ARHGAP32: variants seen among roughly 807,000 people sequenced by gnomAD.
ARHGAP32 encodes Rho GTPase activating protein 32.
A neutral mutation model predicts 186.5 loss-of-function variants in ARHGAP32; 51 were observed. The ratio of observed to expected loss-of-function variants is 0.27; its 90% confidence interval spans 0.22 to 0.35. ARHGAP32 has a LOEUF of 0.35. Ranked by LOEUF, ARHGAP32 falls within the 10% of genes least tolerant of loss-of-function variation. The probability of loss-of-function intolerance (pLI) is 1.00; values close to 1 mark genes in which losing one functional copy is unlikely to be tolerated. For synonymous variants in ARHGAP32, 950 were observed against 964.3 expected (o/e 0.99, Z 0.27); for missense variants, 2,186 against 2,623.5 (o/e 0.83, Z 3.64).
intron 18 of ARHGAP32, among the ~76,000 whole-genome samples, chr11:128,979,208 C>T (rs1377304021): frequency 6.6e-6 from 1 of 151,904 alleles, no homozygotes; most frequent in Non-Finnish European, 1.5e-5. Flanking sequence ...GAAAATAAGA[C>T]GTATCTGGGA....
intron 1 of ARHGAP32, among the ~76,000 whole-genome samples, chr11:129,278,914 G>A (rs1265900380): frequency 1.3e-5 from 2 of 148,766 alleles, no homozygotes; most frequent in African/African-American, 2.4e-5. Context: ...CGCGGGGAGC[G>A]CGGGGCGCGG....
intron 11 of ARHGAP32, among the ~76,000 whole-genome samples, chr11:129,002,726 T>C (rs1004452946): frequency 3.9e-5 from 6 of 152,138 alleles, no homozygotes; most frequent in Non-Finnish European, 7.4e-5. Context: ...TATGGGTCTG[T>C]AGTATATGGC....
At chr11:129,202,232 T>C (rs530996952) in intron 1 of ARHGAP32, among the ~76,000 whole-genome samples, 1 of 152,256 alleles carries the variant, frequency 6.6e-6, no homozygotes, top group East Asian at 1.9e-4. Flanking sequence ...CTTTCTAACA[T>C]AAAGATGTAT....
chr11:129,032,747 G>A (rs1463476058), intron 11 of ARHGAP32, among the ~76,000 whole-genome samples: 3 of 152,150 alleles, frequency 2.0e-5, no homozygotes, highest in African/African-American at 7.2e-5. Flanking sequence ...TTTTAAAAAT[G>A]CAAAGTGACC....
chr11:128,991,329 A>G (rs1049608548), intron 12 of ARHGAP32, among the ~76,000 whole-genome samples: 2 of 152,186 alleles, frequency 1.3e-5, no homozygotes, highest in Non-Finnish European at 2.9e-5. Context: ...ATAAAATTAC[A>G]TAACTATTAC....
intron 1 of ARHGAP32, among the ~76,000 whole-genome samples, chr11:129,243,871 T>A (rs921262835): frequency 6.6e-6 from 1 of 152,252 alleles, no homozygotes; most frequent in Non-Finnish European, 1.5e-5. Flanking sequence ...AGAGCTCTCG[T>A]AGCACTGTGA....
At chr11:129,141,472 T>C (rs1035504001) in intron 2 of ARHGAP32, among the ~76,000 whole-genome samples, 4 of 151,846 alleles carry the variant, frequency 2.6e-5, no homozygotes, top group Admixed American at 2.0e-4. Flanking sequence ...GGGCCTGTCA[T>C]GGGGTAGGGG....
At chr11:129,023,311 C>T (rs750410553) in intron 11 of ARHGAP32, among the ~76,000 whole-genome samples, 10 of 152,082 alleles carry the variant, frequency 6.6e-5, no homozygotes, top group Admixed American at 1.3e-4. Flanking sequence ...ACCAAAGAGG[C>T]GGGGAAGAAC....
intron 1 of ARHGAP32, among the ~76,000 whole-genome samples, chr11:129,237,712 A>C (rs541569670): frequency 6.6e-6 from 1 of 152,274 alleles, no homozygotes; most frequent in East Asian, 1.9e-4. Flanking sequence ...ATAGGAGAAA[A>C]GGCTCCAGAA....
chr11:129,058,188 TACACACACACACACAC>T (rs58479028), intron 10 of ARHGAP32, among the ~76,000 whole-genome samples: 25 of 133,920 alleles, frequency 1.9e-4, no homozygotes, highest in South Asian at 1.4e-3. Context: ...AAAAAAAATA[TACACACACACACACAC>T]ACACACACAC....
chr11:129,004,536 T>G (rs1395149226), intron 11 of ARHGAP32, among the ~76,000 whole-genome samples: 1 of 152,050 alleles, frequency 6.6e-6, no homozygotes, highest in African/African-American at 2.4e-5. Flanking sequence ...TGCTTGATAT[T>G]TCTGGGTGCT....
chr11:128,989,186 C>A (rs1367240917), intron 12 of ARHGAP32, among the ~76,000 whole-genome samples: 1 of 152,014 alleles, frequency 6.6e-6, no homozygotes, highest in African/African-American at 2.4e-5. Flanking sequence ...GTCCTTCATG[C>A]AATCCATCTT....
intron 2 of ARHGAP32, among the ~76,000 whole-genome samples, chr11:129,147,237 T>C (rs1943185594): frequency 6.6e-6 from 1 of 152,138 alleles, no homozygotes; most frequent in Non-Finnish European, 1.5e-5. Flanking sequence ...AAATGTATTA[T>C]ATAAATAGTA....
At chr11:129,054,688 T>TA (rs964937233) in intron 10 of ARHGAP32, among the ~76,000 whole-genome samples, 3 of 151,578 alleles carry the variant, frequency 2.0e-5, no homozygotes, top group Non-Finnish European at 2.9e-5. Context: ...AGTTTAAAAA[T>TA]AAAAAAAAGG....
intron 2 of ARHGAP32, among the ~76,000 whole-genome samples, chr11:129,144,714 A>G (rs1026793368): frequency 2.0e-5 from 3 of 152,196 alleles, no homozygotes; most frequent in African/African-American, 7.2e-5. Context: ...TTCTTATTCA[A>G]TTCTCTATTT....
intron 10 of ARHGAP32, among the ~76,000 whole-genome samples, chr11:129,046,293 G>C (rs995845300): frequency 6.6e-6 from 1 of 152,046 alleles, no homozygotes; most frequent in Non-Finnish European, 1.5e-5. Context: ...AAATATATTT[G>C]ATTATTACCT....
At chr11:129,271,594 C>T (rs1379161271) in intron 1 of ARHGAP32, among the ~76,000 whole-genome samples, 3 of 151,994 alleles carry the variant, frequency 2.0e-5, no homozygotes, top group Non-Finnish European at 4.4e-5. Context: ...GGAAAAAAGT[C>T]AGTACTAGAA....
rs537890270 is a variant in ARHGAP32 at position 128,971,205 on chromosome 11, A to G, written c.4054-46T>C. ...TATGGGTCTATTTTTTGTTCCCTCTATGAATCAAGTACTATTAAATTTGTA... is the reference window on the plus strand; with the variant it reads ...TATGGGTCTATTTTTTGTTCCCTCTGTGAATCAAGTACTATTAAATTTGTA... On this transcript the variant is annotated intron_variant, in intron 22 of 22. Coordinates refer to ENST00000682385, the MANE Select transcript of ARHGAP32 (RefSeq NM_001378024.1). 35 of 1,498,346 alleles carry G rather than the reference A, an allele frequency of 2.3e-5. No homozygotes were observed. The South Asian group carries it at 4.1e-4, about 17-fold the overall frequency. The allele number at this position is 1,498,346 out of a possible 1,614,324, so 92.8% of individuals were successfully genotyped here. A position where few individuals can be genotyped will look rare whatever the true frequency, so the allele number is the denominator to read the frequency against.
Position 129,125,868 on chromosome 11 carries a change from T to C in ARHGAP32, c.226-974A>G, listed in dbSNP as rs1333873935. On this transcript the variant is annotated intron_variant, in intron 2 of 22. Coordinates refer to ENST00000682385, the MANE Select transcript of ARHGAP32 (RefSeq NM_001378024.1). ...TCATGATCAAGACTTCTTAGATATA[T>C]TTTTACTCCTTCTTAGAGGTCTCCC... 6.8e-6 allele frequency: 3 copies of C among 443,376 alleles called. No individual in the cohort carries two copies. The Admixed American group carries it at 7.6e-5, about 11-fold the overall frequency. 27.5% of individuals were successfully genotyped at this position (443,376 alleles called of 1,614,324 possible).
Sources: allele counts gnomAD v4.1 joint callset (sites outside exome capture counted in the v4.1 genomes callset), GRCh38; gene constraint gnomAD v4.1.1; transcripts MANE v1.5; gene names NCBI Gene and HGNC (gene_info 2026-07-23, HGNC 2026-07-21).